TAF1: variants seen among roughly 807,000 people sequenced by gnomAD.
TAF1 encodes the protein transcription initiation factor TFIID subunit 1.
A neutral mutation model predicts 138.5 loss-of-function variants in TAF1; 2 were observed. The observed-to-expected ratio is 0.01, with a 90% CI of 0.01 to 0.05. The LOEUF is 0.05. TAF1 is among the 10% of genes least tolerant of loss of function. TAF1 has a pLI of 1.00. For missense variants in TAF1, 709 were observed against 1,478.0 expected (o/e 0.48, Z 8.53); for synonymous variants, 437 against 503.2 (o/e 0.87, Z 1.76).
At chrX:71,366,839 C>T (rs979078226) in intron 1 of TAF1, among the ~76,000 whole-genome samples, 6 of 111,402 alleles carry the variant, frequency 5.4e-5, no homozygotes, top group Admixed American at 1.9e-4. Flanking sequence ...CACTGCCTGC[C>T]CCTCTGACAT....
At chrX:71,510,458 A>C (rs922241408) in intron 13 of TAF1, among the ~76,000 whole-genome samples, 1 of 112,211 alleles carries the variant, frequency 8.9e-6, no homozygotes, top group Non-Finnish European at 1.9e-5. Context: ...GCTGGGGCTC[A>C]TAACATGGAC....
At chrX:71,372,982 TC>T (rs2033193086) in intron 3 of TAF1, among the ~76,000 whole-genome samples, 1 of 109,625 alleles carries the variant, frequency 9.1e-6, no homozygotes, top group African/African-American at 3.3e-5. Context: ...TTATCCGGCC[TC>T]AGTCTCCGGA....
At chrX:71,422,955 G>C (rs932521290) in intron 29 of TAF1, among the ~76,000 whole-genome samples, 162 bp from the exon 30 acceptor site, 2 of 109,571 alleles carry the variant, frequency 1.8e-5, no homozygotes, top group Non-Finnish European at 3.8e-5. Flanking sequence ...TGTTAGCCAG[G>C]ATGGTCTTGA....
intron 32 of TAF1, among the ~76,000 whole-genome samples, chrX:71,427,009 T>C (rs191482484): frequency 1.8e-5 from 2 of 112,196 alleles, no homozygotes; most frequent in Admixed American, 1.9e-4. Flanking sequence ...TCCTGTAATT[T>C]TTAGCAGTAA....
intron 32 of TAF1, among the ~76,000 whole-genome samples, chrX:71,452,824 C>T (rs1428845656): frequency 8.9e-6 from 1 of 112,245 alleles, no homozygotes; most frequent in East Asian, 2.8e-4. Flanking sequence ...CTCGTGAGGC[C>T]GAGGCTGGCG....
rs763256701 is a variant in TAF1, at chrX:71,384,942, T to C, written c.2122-3T>C. 65 of 1,198,432 alleles carry C rather than the reference T, an allele frequency of 5.4e-5. No homozygotes were observed. The highest frequency in any genetic ancestry group is 7.0e-5 in the African/African-American group (4 of 56,884). ...ATAACTGGGTCTTCTGTGTTCCTTA[T>C]AGAAACCTGGAAAAGATCCTGGAGC... is the stretch of plus-strand genomic sequence containing the variant. On this transcript the variant is annotated splice_polypyrimidine_tract_variant and splice_region_variant and intron_variant, in intron 13 of 37. Coordinates refer to ENST00000423759, the MANE Select transcript of TAF1 (RefSeq NM_004606.5).
intron 4 of TAF1, among the ~76,000 whole-genome samples, chrX:71,376,602 G>A (rs1469137725): frequency 9.1e-6 from 1 of 109,397 alleles, no homozygotes; most frequent in Non-Finnish European, 1.9e-5. Context: ...GAGAGAGAGA[G>A]GTTTCAGTGA....
intron 32 of TAF1, among the ~76,000 whole-genome samples, chrX:71,449,416 A>G (rs1236111148): frequency 8.9e-6 from 1 of 112,965 alleles, no homozygotes; most frequent in Non-Finnish European, 1.9e-5. Context: ...GAGCCACTGC[A>G]CCCAGCCATT....
chrX:71,411,058 C>T (rs1325923832), intron 28 of TAF1, among the ~76,000 whole-genome samples: 1 of 110,885 alleles, frequency 9.0e-6, no homozygotes, highest in Non-Finnish European at 1.9e-5. Flanking sequence ...GCTGGGATTA[C>T]AGGCGTGAGC....
chrX:71,419,678 G>A (rs779204298), intron 28 of TAF1, among the ~76,000 whole-genome samples: 1 of 111,677 alleles, frequency 9.0e-6, no homozygotes, highest in African/African-American at 3.3e-5. Flanking sequence ...CGGAGGGAAG[G>A]TGACAAGCAG....
At chrX:71,514,725 A>T (rs1381822946) in intron 13 of TAF1, among the ~76,000 whole-genome samples, 1 of 111,631 alleles carries the variant, frequency 9.0e-6, no homozygotes, top group Non-Finnish European at 1.9e-5. Flanking sequence ...AAGAGTCAGG[A>T]ATTAAGAGTC....
Position 71,515,428 on chromosome X carries a change from T to C in TAF1, c.1367-13114T>C, listed in dbSNP as rs149894359. On this transcript the variant is annotated intron_variant and NMD_transcript_variant, in intron 13 of 14. Transcript: ENST00000373775. ...CCACTCCATAGGGCAGGGGATGAAA[T>C]TATCCAAAGCTTTTTGGTCTCAGCT... Among the ~76,000 whole-genome samples the C allele has an allele frequency of 3.8e-3, 421 of 111,698 alleles. 4 individuals are homozygous for C. The highest frequency in any genetic ancestry group is 0.013 in the African/African-American group (388 of 30,785).
intron 13 of TAF1, among the ~76,000 whole-genome samples, chrX:71,527,382 G>A (rs1220104232): frequency 1.3e-5 from 1 of 79,418 alleles, no homozygotes; most frequent in Non-Finnish European, 2.3e-5. Flanking sequence ...GCCAAACTCC[G>A]TCTCAAAAAA....
intron 8 of TAF1, among the ~76,000 whole-genome samples, chrX:71,380,522 C>T (rs890572326): frequency 8.1e-5 from 9 of 110,496 alleles, no homozygotes; most frequent in Non-Finnish European, 1.3e-4. Flanking sequence ...CTCAGCCTCC[C>T]GAGTAGCCAA....
At chrX:71,454,286 C>G (rs2038184183) in intron 33 of TAF1, 49 bp downstream of exon 33, 2 of 1,095,886 alleles carry the variant, frequency 1.8e-6, no homozygotes, top group East Asian at 6.1e-5. Flanking sequence ...TAAGGAGACC[C>G]CATCTTTACA....
intron 32 of TAF1, among the ~76,000 whole-genome samples, chrX:71,447,457 C>T (rs751921717): frequency 1.8e-5 from 2 of 110,628 alleles, no homozygotes; most frequent in East Asian, 3.0e-4. Context: ...AATCCCAGCA[C>T]TTTGGGAGGC....
chrX:71,503,577 G>C (rs1326761362), intron 13 of TAF1, among the ~76,000 whole-genome samples: 1 of 109,193 alleles, frequency 9.2e-6, no homozygotes, highest in East Asian at 2.9e-4. Flanking sequence ...TGCTATCAAG[G>C]GCAACTGTTT....
At chrX:71,439,501 T>A (rs1239735348) in intron 32 of TAF1, among the ~76,000 whole-genome samples, 1 of 111,422 alleles carries the variant, frequency 9.0e-6, no homozygotes, top group African/African-American at 3.3e-5. Flanking sequence ...AATCTAGAAA[T>A]ACATAAAATT....
At chrX:71,409,931 C>T (rs763524007) in intron 28 of TAF1, among the ~76,000 whole-genome samples, 10 of 108,424 alleles carry the variant, frequency 9.2e-5, no homozygotes, top group Middle Eastern at 4.6e-3. Context: ...CTTGCTCTGT[C>T]GCCCAGGCTG....
Sources: allele counts gnomAD v4.1 joint callset (sites outside exome capture counted in the v4.1 genomes callset), GRCh38; gene constraint gnomAD v4.1.1; transcripts MANE v1.5; gene names NCBI Gene and HGNC (gene_info 2026-07-23, HGNC 2026-07-21).